SLC7A14: variants seen among roughly 807,000 people sequenced by gnomAD.
SLC7A14 encodes the protein solute carrier family 7 member 14.
In SLC7A14, 37 loss-of-function variants were observed where a neutral mutation model predicts 60.2. The ratio of observed to expected loss-of-function variants is 0.61; its 90% CI spans 0.47 to 0.81. The LOEUF (loss-of-function observed/expected upper bound fraction) is 0.81, where lower values mean the gene tolerates loss of function less well. Among genes scored for constraint, SLC7A14 ranks in the 30% least tolerant of loss-of-function variants. The pLI is 0.00. For missense variants in SLC7A14, 886 were observed against 982.7 expected, an observed-to-expected ratio of 0.90 and a Z score of 1.32; for synonymous variants, 399 against 395.8, an observed-to-expected ratio of 1.01 and a Z score of -0.10.
At chr3:170,554,904 C>T (rs1023468460) in intron 1 of SLC7A14, among the ~76,000 whole-genome samples, 4 of 152,144 alleles carry the variant, frequency 2.6e-5, no homozygotes, top group Admixed American at 6.5e-5. Flanking sequence ...CGCGGTGGCT[C>T]ACGCCTGTAA....
In SLC7A14 at chr3:170,460,572, C is replaced by T. The variant is rs533220115; in HGVS notation, c.*6483G>A. On this transcript the variant is annotated 3_prime_UTR_variant, in exon 8 of 8. Transcript: ENST00000231706. The stretch of plus-strand genomic sequence containing the variant: ...GATGTGCATGGAACATTCTCTTCAT[C>T]CCCAAATCAGAATGAACACAGTCCT... The T allele has an allele frequency of 1.3e-5, 2 of 152,262 alleles. No individual in the cohort carries two copies. Among genetic ancestry groups the T allele is most frequent in the Admixed American group, 1.3e-4 (2 of 15,290 alleles). 9.4% of individuals were successfully genotyped at this position (152,262 alleles called of 1,614,324 possible). A position where few individuals can be genotyped will look rare whatever the true frequency, so the allele number is the denominator to read the frequency against.
intron 1 of SLC7A14, among the ~76,000 whole-genome samples, chr3:170,543,314 C>T (rs1048680580): frequency 6.6e-6 from 1 of 152,056 alleles, no homozygotes; most frequent in Non-Finnish European, 1.5e-5. Flanking sequence ...CTATGCTCTG[C>T]GTTAAAGAGA....
chr3:170,524,757 A>G (rs1713441010), intron 2 of SLC7A14, among the ~76,000 whole-genome samples: 1 of 152,234 alleles, frequency 6.6e-6, no homozygotes, highest in South Asian at 2.1e-4. Flanking sequence ...CATGTGAGTA[A>G]TTTATTTTCA....
chr3:170,531,722 G>A (rs927306438), intron 1 of SLC7A14, among the ~76,000 whole-genome samples: 3 of 152,164 alleles, frequency 2.0e-5, no homozygotes, highest in Admixed American at 2.0e-4. Context: ...GCTCATTGCT[G>A]TTGTCTTTCC....
Position 170,496,493 on chromosome 3 carries a change from G to GGAGCTGGAGGCCGCCCTGCAGCGGGCC in SLC7A14, c.759+2147_759+2173dup. 3 of 1,432,090 alleles carry GGAGCTGGAGGCCGCCCTGCAGCGGGCC rather than the reference G, an allele frequency of 2.1e-6. No homozygotes were observed. The Admixed American group carries it at 5.0e-5, about 24-fold the overall frequency. 88.7% of individuals were successfully genotyped at this position (1,432,090 alleles called of 1,614,324 possible). A position where few individuals can be genotyped will look rare whatever the true frequency, so the allele number is the denominator to read the frequency against. On this transcript the variant is annotated intron_variant, in intron 4 of 7. Coordinates refer to ENST00000231706, the MANE Select transcript of SLC7A14 (RefSeq NM_020949.3). ...TTAAGGATGCCAGCGCCAAGCGGTC[G>GGAGCTGGAGGCCGCCCTGCAGCGGGCC]GAGCTGGAGGCCGCCCTGCAGCGGG...
At chr3:170,481,449 T>A (rs1380228773) in intron 6 of SLC7A14, among the ~76,000 whole-genome samples, 1 of 149,862 alleles carries the variant, frequency 6.7e-6, no homozygotes, top group East Asian at 2.0e-4. Flanking sequence ...TCCCCCAGGC[T>A]GGAGTGCAGT....
chr3:170,477,632 T>C lies in SLC7A14; in HGVS notation c.1993+2657A>G, dbSNP rs141181078. Among the ~76,000 whole-genome samples the C allele has an allele frequency of 2.3e-3, 352 of 152,378 alleles. 1 individual carries two copies. Among genetic ancestry groups the C allele is most frequent in the African/African-American group, 7.7e-3 (320 of 41,590 alleles). ...AGTAGTACTAATGTTTTTTCTTTAA[T>C]ATGACTCACACTTTAAATTTAAAAA... On this transcript the variant is annotated intron_variant, in intron 7 of 7. Transcript: ENST00000231706.
intron 4 of SLC7A14, among the ~76,000 whole-genome samples, chr3:170,493,917 TATC>T (rs376290506): frequency 1.9e-4 from 29 of 152,338 alleles, no homozygotes; most frequent in African/African-American, 7.0e-4. Flanking sequence ...CTAGGACATA[TATC>T]ATCCCCAAGT....
intron 3 of SLC7A14, 50 bp from the exon 4 acceptor site, chr3:170,498,934 A>T: frequency 6.3e-7 from 1 of 1,580,006 alleles, no homozygotes; most frequent in Non-Finnish European, 8.7e-7. Context: ...AGAAAGGGCC[A>T]TGCAAACTCC....
Position 170,467,211 on chromosome 3 carries a change from C to T in SLC7A14, c.2160G>A (p.Trp720Ter). 1 of 1,614,272 alleles carries T rather than the reference C, an allele frequency of 6.2e-7. No homozygotes were observed. Among genetic ancestry groups the T allele is most frequent in the Non-Finnish European group, 8.5e-7 (1 of 1,180,052 alleles). ...AGCCTTTGTCTTCAGTGGGCCCGCC[C>T]CAGTCCTCCTGGCTCTCGCCCTCTG... ...YATEGESQED[W>*]GGPTEDKGFY... The change falls in exon 8 of 8, where the codon TGG (tryptophan) becomes TGA (stop). Residue 720 changes from tryptophan to a stop codon, truncating the protein, a stop_gained. Transcript: ENST00000231706. LOFTEE classifies it high-confidence loss of function.
chr3:170,536,502 T>C (rs1487460102), intron 1 of SLC7A14, among the ~76,000 whole-genome samples: 3 of 152,226 alleles, frequency 2.0e-5, no homozygotes, highest in Non-Finnish European at 4.4e-5. Context: ...ACAAAAGTTA[T>C]TGGGAAGTCT....
chr3:170,484,720 G>T (rs1711963221), intron 5 of SLC7A14, among the ~76,000 whole-genome samples: 1 of 152,202 alleles, frequency 6.6e-6, no homozygotes, highest in Non-Finnish European at 1.5e-5. Context: ...CATGGTGGGG[G>T]AGGGGCTGCC....
intron 2 of SLC7A14, among the ~76,000 whole-genome samples, chr3:170,501,883 A>C (rs1712620256): frequency 6.6e-6 from 1 of 152,238 alleles, no homozygotes; most frequent in Non-Finnish European, 1.5e-5. Context: ...CACATGCACA[A>C]AAAGTAATTT....
In SLC7A14 at chr3:170,480,667, G is replaced by A. The variant is rs1291974771; in HGVS notation, c.1615C>T (p.Pro539Ser). The part of the protein sequence containing the change: ...YLIKLKKLIG[P>S]HYYTMRIRLG... ...CGGATTCTCATGGTGTAATAATGAG[G>A]CCCAATCAGCTTCTTTAACTTGATG... is the stretch of plus-strand genomic sequence containing the variant. The change falls in exon 7 of 8, where the codon CCT becomes TCT. Residue 539 changes from proline to serine, a missense_variant. Physicochemically the swap from Pro to Ser is moderately conservative, Grantham distance 74 (BLOSUM62 -1). Coordinates refer to ENST00000231706, the MANE Select transcript of SLC7A14 (RefSeq NM_020949.3). 6.2e-7 allele frequency: 1 copy of A among 1,614,138 alleles called. No homozygotes were observed. The highest frequency in any genetic ancestry group is 8.5e-7 in the Non-Finnish European group (1 of 1,180,054).
chr3:170,551,646 G>A (rs1330736846), intron 1 of SLC7A14, among the ~76,000 whole-genome samples: 1 of 152,140 alleles, frequency 6.6e-6, no homozygotes, highest in East Asian at 1.9e-4. Context: ...TTTCCCTAAT[G>A]ACTAAAGATC....
At chr3:170,490,921 C>T (rs1712195140) in intron 4 of SLC7A14, among the ~76,000 whole-genome samples, 1 of 152,180 alleles carries the variant, frequency 6.6e-6, no homozygotes, top group Admixed American at 6.5e-5. Flanking sequence ...GCTCTTACCA[C>T]CAGTATTATT....
At chr3:170,569,312 T>G (rs946088461) in intron 1 of SLC7A14, among the ~76,000 whole-genome samples, 4 of 152,196 alleles carry the variant, frequency 2.6e-5, no homozygotes, top group African/African-American at 4.8e-5. Context: ...CTGGATTACA[T>G]TTATTGATTT....
intron 1 of SLC7A14, among the ~76,000 whole-genome samples, chr3:170,555,853 TAG>T (rs1170729883): frequency 2.0e-5 from 3 of 152,364 alleles, no homozygotes; most frequent in African/African-American, 7.2e-5. Flanking sequence ...TTGATATTGT[TAG>T]ACATTTAGTT....
intron 4 of SLC7A14, chr3:170,495,987 C>T (rs1251559584): frequency 1.7e-6 from 2 of 1,144,434 alleles, no homozygotes; most frequent in East Asian, 2.3e-5. Context: ...GATCAATAAG[C>T]GTACAGAAAC....
Sources: gnomAD v4.1 joint callset for allele counts (sites outside exome capture counted in the v4.1 genomes callset) on GRCh38, gnomAD v4.1.1 for gene constraint, MANE v1.5 for transcripts, NCBI Gene and HGNC (gene_info 2026-07-23, HGNC 2026-07-21) for gene names.